ATP2B2: variants seen among roughly 807,000 people sequenced by gnomAD.
ATP2B2 encodes the protein plasma membrane calcium-transporting ATPase 2.
Under a neutral mutation model 120.0 loss-of-function variants are expected in ATP2B2, and 15 were observed. That is an observed-to-expected ratio of 0.12 (90% CI 0.08 to 0.19). The LOEUF is 0.19. Ranked by LOEUF, ATP2B2 falls within the 10% of genes least tolerant of loss-of-function variation. The probability of loss-of-function intolerance (pLI) is 1.00; values close to 1 mark genes in which losing one functional copy is unlikely to be tolerated. For missense variants in ATP2B2, 1,045 were observed against 1,719.8 expected (o/e 0.61, Z 6.94); for synonymous variants, 694 against 700.3 (o/e 0.99, Z 0.14).
rs1028455379 is a variant in ATP2B2 at position 10,364,536 on chromosome 3, C to T, written c.1660-4413G>A. Among the ~76,000 whole-genome samples the T allele has an allele frequency of 3.6e-4, 55 of 152,016 alleles. No individual in the cohort carries two copies. The Middle Eastern group carries it at 0.017, about 47-fold the overall frequency. ...GACCAGTCTGGCCAAGATGTCAAAA[C>T]CCCGTCTCTACTAAAAATACAAAAA... On this transcript the variant is annotated intron_variant, in intron 12 of 22. Transcript: ENST00000360273.
chr3:10,548,129 A>G (rs2067591261), intron 2 of ATP2B2, among the ~76,000 whole-genome samples: 1 of 152,228 alleles, frequency 6.6e-6, no homozygotes, highest in African/African-American at 2.4e-5. Flanking sequence ...GGTTCTAAGG[A>G]GTAGAGCCCA....
At chr3:10,353,952 G>C (rs1025028960) in intron 14 of ATP2B2, among the ~76,000 whole-genome samples, 1 of 152,126 alleles carries the variant, frequency 6.6e-6, no homozygotes, top group Non-Finnish European at 1.5e-5. Context: ...GCACAGGATG[G>C]GCACGTGCAC....
chr3:10,332,090 C>T (rs2059996005), intron 22 of ATP2B2: 1 of 1,496,468 alleles, frequency 6.7e-7, no homozygotes, highest in Non-Finnish European at 9.1e-7. Flanking sequence ...CTAGGGTTCC[C>T]CCCACAAAGC....
chr3:10,382,531 AT>A (rs2061561268), intron 8 of ATP2B2, among the ~76,000 whole-genome samples: 1 of 115,754 alleles, frequency 8.6e-6, no homozygotes, highest in East Asian at 2.5e-4. Context: ...TTTTTTTTGT[AT>A]TTTTAGTAGA....
At chr3:10,675,100 C>G (rs1209830085) in intron 1 of ATP2B2, among the ~76,000 whole-genome samples, 3 of 152,212 alleles carry the variant, frequency 2.0e-5, no homozygotes, top group Non-Finnish European at 4.4e-5. Flanking sequence ...GGCAAGAACT[C>G]TACATAGGCG....
At chr3:10,457,407 C>T (rs992522688) in intron 1 of ATP2B2, among the ~76,000 whole-genome samples, 7 of 152,032 alleles carry the variant, frequency 4.6e-5, no homozygotes, top group Non-Finnish European at 1.0e-4. Flanking sequence ...TGTGCAAATG[C>T]TGGTCTTAGA....
chr3:10,707,078 G>A (rs970708479), intron 1 of ATP2B2, among the ~76,000 whole-genome samples: 4 of 152,244 alleles, frequency 2.6e-5, no homozygotes, highest in African/African-American at 9.6e-5. Flanking sequence ...GGGGTGGCCA[G>A]GCCCTGGGTG....
At chr3:10,605,882 C>T (rs1429766390) in intron 2 of ATP2B2, among the ~76,000 whole-genome samples, 1 of 152,142 alleles carries the variant, frequency 6.6e-6, no homozygotes, top group Non-Finnish European at 1.5e-5. Flanking sequence ...CTCCTGACCT[C>T]AAGTGATCTG....
chr3:10,645,326 A>G (rs1055599105), intron 1 of ATP2B2, among the ~76,000 whole-genome samples: 3 of 152,210 alleles, frequency 2.0e-5, no homozygotes, highest in Admixed American at 2.0e-4. Flanking sequence ...GCTGTTGATG[A>G]TATGTGAGTA....
chr3:10,467,146 G>C (rs946665364), intron 1 of ATP2B2, among the ~76,000 whole-genome samples: 4 of 152,208 alleles, frequency 2.6e-5, no homozygotes, highest in Admixed American at 1.3e-4. Flanking sequence ...GGGCCTCTCT[G>C]GTCATGACAC....
chr3:10,465,749 GCCGGAGCTGCCACCT>G (rs1305256991), intron 1 of ATP2B2, among the ~76,000 whole-genome samples: 4 of 152,330 alleles, frequency 2.6e-5, no homozygotes, highest in African/African-American at 7.2e-5. Flanking sequence ...GACTGACAAG[GCCGGAGCTGCCACCT>G]CTGTTTCTTT....
At chr3:10,625,861 C>A (rs1189375041) in intron 1 of ATP2B2, among the ~76,000 whole-genome samples, 1 of 152,220 alleles carries the variant, frequency 6.6e-6, no homozygotes, top group Non-Finnish European at 1.5e-5. Flanking sequence ...CTCTCTTAAA[C>A]AAGGAGAGCA....
At chr3:10,550,523 A>G (rs115413429) in intron 2 of ATP2B2, among the ~76,000 whole-genome samples, 3,091 of 152,250 alleles carry the variant, frequency 0.02, 52 homozygotes, top group Admixed American at 0.04. Flanking sequence ...AGTTTTTTAA[A>G]AAGGTCTAGT....
At chr3:10,419,223 G>A (rs1020077650) in intron 2 of ATP2B2, among the ~76,000 whole-genome samples, 2 of 152,214 alleles carry the variant, frequency 1.3e-5, no homozygotes, top group Non-Finnish European at 2.9e-5. Context: ...CTCCCACCAC[G>A]GGTGGCCACG....
At chr3:10,353,888 T>TC (rs1439296659) in intron 14 of ATP2B2, among the ~76,000 whole-genome samples, 1 of 152,126 alleles carries the variant, frequency 6.6e-6, no homozygotes, top group African/African-American at 2.4e-5. Flanking sequence ...TACAATAGTA[T>TC]CCACCCTTCA....
At chr3:10,614,625 G>T (rs2069333758) in intron 2 of ATP2B2, among the ~76,000 whole-genome samples, 1 of 152,162 alleles carries the variant, frequency 6.6e-6, no homozygotes, top group Non-Finnish European at 1.5e-5. Flanking sequence ...TTTGGCAAGT[G>T]GCCTCCCCTC....
Position 10,378,384 on chromosome 3 carries a change from T to C in ATP2B2, c.1069A>G (p.Met357Val), listed in dbSNP as rs2061436201. 1 of 1,603,608 alleles carries C rather than the reference T, an allele frequency of 6.2e-7. No individual in the cohort carries two copies. The highest frequency in any genetic ancestry group is 8.5e-7 in the Non-Finnish European group (1 of 1,179,976). The change falls in exon 10 of 23, where the codon ATG (methionine) becomes GTG (valine). Residue 357 changes from methionine to valine, a missense_variant. Met to Val is a conservative substitution (Grantham distance 21, BLOSUM62 1). Around this residue, in one of 11 missense-constraint regions of ATP2B2, gnomAD observed 145 missense variants for 202.0 expected, o/e 0.72. Coordinates refer to ENST00000360273, the MANE Select transcript of ATP2B2 (RefSeq NM_001001331.4). Reference sequence around the variant, plus strand: ...GCACTCTTGAGGGGCTGCATCTCCATGGCGGCTGCCCCGTCCTGTTGTTTG... The same window carrying C: ...GCACTCTTGAGGGGCTGCATCTCCACGGCGGCTGCCCCGTCCTGTTGTTTG... ...KAKQQDGAAAMEMQPLKSAEG... is the reference protein window; with the variant it reads ...KAKQQDGAAAVEMQPLKSAEG...
intron 1 of ATP2B2, among the ~76,000 whole-genome samples, chr3:10,703,140 A>G (rs116551647): frequency 0.01 from 1,538 of 152,290 alleles, 24 homozygotes; most frequent in African/African-American, 0.035. Context: ...GACAATCCTC[A>G]GCGGCTCACT....
intron 1 of ATP2B2, among the ~76,000 whole-genome samples, chr3:10,497,679 A>G (rs1049937920): frequency 6.6e-6 from 1 of 152,220 alleles, no homozygotes; most frequent in Non-Finnish European, 1.5e-5. Flanking sequence ...GAAATGGTGG[A>G]GCAGGAATTA....
Sources: allele counts gnomAD v4.1 joint callset (sites outside exome capture counted in the v4.1 genomes callset), GRCh38; gene constraint gnomAD v4.1.1; regional missense constraint gnomAD v4.1.1; transcripts MANE v1.5; gene names NCBI Gene and HGNC (gene_info 2026-07-23, HGNC 2026-07-21).